MACROD1: variants seen among roughly 807,000 people sequenced by gnomAD.
The protein encoded by MACROD1 is mono-ADP ribosylhydrolase 1.
In MACROD1, 31 loss-of-function variants were observed where a neutral mutation model predicts 41.4. That is an observed-to-expected ratio of 0.75 (90% confidence interval 0.56 to 1.01). The LOEUF is 1.01. Ranked by LOEUF, MACROD1 falls within the 50% of genes least tolerant of loss-of-function variation. MACROD1 has a pLI of 0.00. For synonymous variants in MACROD1, 252 were observed against 203.4 expected (o/e 1.24, Z -2.03); for missense variants, 473 against 460.0 (o/e 1.03, Z -0.26).
intron 3 of MACROD1, among the ~76,000 whole-genome samples, chr11:64,102,770 G>GA (rs964598152): frequency 5.9e-5 from 9 of 151,784 alleles, no homozygotes; most frequent in Non-Finnish European, 1.0e-4. Flanking sequence ...GTGGCATTAA[G>GA]AAAAAAAACA....
intron 3 of MACROD1, among the ~76,000 whole-genome samples, chr11:64,095,542 C>A (rs975447880): frequency 5.9e-5 from 9 of 152,134 alleles, no homozygotes; most frequent in Admixed American, 3.3e-4. Flanking sequence ...TCCCTGGGGG[C>A]TGGAGGCTGG....
chr11:64,157,018 G>A (rs1945678819), intron 1 of MACROD1, among the ~76,000 whole-genome samples: 2 of 152,140 alleles, frequency 1.3e-5, no homozygotes, highest in South Asian at 2.1e-4. Flanking sequence ...ATCCTCGCCC[G>A]CCAGGCCCCT....
At chr11:64,099,641 TAGG>T (rs756166148) in intron 3 of MACROD1, among the ~76,000 whole-genome samples, 16 of 149,510 alleles carry the variant, frequency 1.1e-4, no homozygotes, top group Non-Finnish European at 1.6e-4. Flanking sequence ...GATGGAGAGA[TAGG>T]AGGATGGATG....
chr11:64,073,533 T>C (rs182203692), intron 3 of MACROD1, among the ~76,000 whole-genome samples: 1 of 152,328 alleles, frequency 6.6e-6, no homozygotes, highest in Admixed American at 6.5e-5. Flanking sequence ...ACTTACTAAT[T>C]AACTTAACTA....
At chr11:64,056,111 C>T (rs1943780660) in intron 3 of MACROD1, among the ~76,000 whole-genome samples, 1 of 152,136 alleles carries the variant, frequency 6.6e-6, no homozygotes, top group African/African-American at 2.4e-5. Flanking sequence ...GTCTGCTCCA[C>T]CCCCGGCAAT....
chr11:63,998,810 C>T (rs547160016), intron 10 of MACROD1, 28 bp downstream of exon 10: 487 of 1,500,484 alleles, frequency 3.2e-4, no homozygotes, highest in Non-Finnish European at 3.7e-4. Flanking sequence ...AGGGCCGGGG[C>T]CGCCGCACGG....
intron 10 of MACROD1, 71 bp from the exon 11 acceptor site, chr11:63,998,758 C>T: frequency 3.5e-6 from 5 of 1,426,148 alleles, no homozygotes; most frequent in Non-Finnish European, 4.6e-6. Flanking sequence ...TGGTTTCCCG[C>T]CCTGCTTGGG....
In MACROD1 at chr11:63,998,942, G is replaced by A. The variant is rs1178776153; in HGVS notation, c.973+13C>T. ...GGGCAGGGGCGGGCCGTGGGGCGGC[G>A]CGGGGCACGTACCCACGGGGAAGTA... is the stretch of plus-strand genomic sequence containing the variant. On this transcript the variant is annotated intron_variant, in intron 9 of 10. Transcript: ENST00000255681. 4 of 1,574,284 alleles carry A rather than the reference G, an allele frequency of 2.5e-6. No homozygotes were observed. The Admixed American group carries it at 5.4e-5, about 21-fold the overall frequency.
chr11:64,021,295 C>CGACAG (rs1943148942), intron 3 of MACROD1, among the ~76,000 whole-genome samples: 1 of 152,206 alleles, frequency 6.6e-6, no homozygotes. Context: ...GCTGTGTAGG[C>CGACAG]GACAGGGGCT....
intron 3 of MACROD1, among the ~76,000 whole-genome samples, chr11:64,034,080 G>T (rs12225693): frequency 0.082 from 12,431 of 152,302 alleles, 764 homozygotes; most frequent in East Asian, 0.36. Context: ...CTGTGGCTTG[G>T]TGTGGGGGTG....
At position 64,068,659 on chromosome 11, in the gene MACROD1, C is replaced by A. The variant is rs575055671; in HGVS notation, c.518-53378G>T. ...TGCAGAGGGGCTTTTGTCTCTACCC[C>A]CTCCAGCCTGCACCAAGGGTCCTGA... On this transcript the variant is annotated intron_variant, in intron 3 of 10. Transcript: ENST00000255681. Among the ~76,000 whole-genome samples the A allele has an allele frequency of 5.6e-4, 86 of 152,352 alleles. No individual in the cohort carries two copies. The South Asian group carries it at 8.1e-3, about 14-fold the overall frequency.
At chr11:64,030,851 A>T (rs2134364293) in intron 3 of MACROD1, among the ~76,000 whole-genome samples, 1 of 151,450 alleles carries the variant, frequency 6.6e-6, no homozygotes, top group East Asian at 1.9e-4. Flanking sequence ...AGGAGTTCGA[A>T]TCCAGCCTGG....
At chr11:64,097,322 T>G (rs1000516052) in intron 3 of MACROD1, among the ~76,000 whole-genome samples, 1 of 152,054 alleles carries the variant, frequency 6.6e-6, no homozygotes, top group African/African-American at 2.4e-5. Flanking sequence ...AAGGGATGGG[T>G]GAACTCCCAG....
chr11:64,004,187 C>T (rs911521202), intron 4 of MACROD1, among the ~76,000 whole-genome samples: 14 of 152,140 alleles, frequency 9.2e-5, no homozygotes, highest in Non-Finnish European at 1.8e-4. Context: ...AGCATCTGTG[C>T]GCCTCCCATG....
At chr11:64,034,215 C>T (rs980240270) in intron 3 of MACROD1, among the ~76,000 whole-genome samples, 17 of 152,332 alleles carry the variant, frequency 1.1e-4, no homozygotes, top group African/African-American at 3.4e-4. Flanking sequence ...CAGGGCCACA[C>T]GTCCATCTGG....
chr11:64,139,936 A>G (rs1945387887), intron 3 of MACROD1, among the ~76,000 whole-genome samples: 1 of 145,692 alleles, frequency 6.9e-6, no homozygotes, highest in South Asian at 2.3e-4. Context: ...AGCCTGGGTG[A>G]CAGAGCGAGA....
intron 3 of MACROD1, among the ~76,000 whole-genome samples, chr11:64,021,712 C>T (rs1943154523): frequency 1.3e-5 from 2 of 151,876 alleles, no homozygotes; most frequent in Non-Finnish European, 2.9e-5. Context: ...CTTCATTCTC[C>T]TCTTCCCCTT....
intron 3 of MACROD1, among the ~76,000 whole-genome samples, chr11:64,131,296 A>G (rs1452023198): frequency 6.6e-6 from 1 of 152,050 alleles, no homozygotes; most frequent in Non-Finnish European, 1.5e-5. Context: ...CCCTCACCCC[A>G]CCCACGTGTG....
intron 3 of MACROD1, among the ~76,000 whole-genome samples, chr11:64,035,073 C>T (rs1020907327): frequency 6.6e-6 from 1 of 152,200 alleles, no homozygotes; most frequent in African/African-American, 2.4e-5. Context: ...TCAAGGTCTT[C>T]TTCATCTCTC....
Sources: gnomAD v4.1 joint callset for allele counts (sites outside exome capture counted in the v4.1 genomes callset) on GRCh38, gnomAD v4.1.1 for gene constraint, MANE v1.5 for transcripts, NCBI Gene and HGNC (gene_info 2026-07-23, HGNC 2026-07-21) for gene names.